SLC5A10: variants seen among roughly 807,000 people sequenced by gnomAD.
SLC5A10 encodes the protein sodium/mannose cotransporter SLC5A10.
SLC5A10 carries 55 observed loss-of-function variants against 68.9 expected under a neutral mutation model. The observed-to-expected ratio is 0.80, with a 90% CI of 0.64 to 1.00. SLC5A10 has a LOEUF of 1.00. Ranked by LOEUF, SLC5A10 falls within the 50% of genes least tolerant of loss-of-function variation. SLC5A10 has a pLI of 0.00. For synonymous variants in SLC5A10, 344 were observed against 344.8 expected, an observed-to-expected ratio of 1.00 and a Z score of 0.02; for missense variants, 732 against 819.3, an observed-to-expected ratio of 0.89 and a Z score of 1.30.
intron 9 of SLC5A10, among the ~76,000 whole-genome samples, chr17:19,008,484 A>G (rs2043944991): frequency 6.6e-6 from 1 of 150,914 alleles, no homozygotes. Flanking sequence ...TTTACAGAGG[A>G]GGAGACAGCC....
At chr17:19,016,598 G>T (rs985170890) in intron 11 of SLC5A10, among the ~76,000 whole-genome samples, 2 of 152,216 alleles carry the variant, frequency 1.3e-5, no homozygotes, top group African/African-American at 4.8e-5. Context: ...TCAGGCTTCT[G>T]TTGGAAGGGC....
chr17:18,952,165 A>C lies in SLC5A10; in HGVS notation c.-41A>C. ...CCCTTTCTGACCTGGTTTGCCCCTC[A>C]GTCCCTCGGGCTCATACCTAGTGCC... is the stretch of plus-strand genomic sequence containing the variant. On this transcript the variant is annotated 5_prime_UTR_variant, in exon 1 of 15. Coordinates refer to ENST00000395645, the MANE Select transcript of SLC5A10 (RefSeq NM_001042450.4). 1 of 1,592,926 alleles carries C rather than the reference A, an allele frequency of 6.3e-7. No homozygotes were observed. The highest frequency in any genetic ancestry group is 8.5e-7 in the Non-Finnish European group (1 of 1,170,408).
rs2042771158 is a variant in SLC5A10 at position 18,969,037 on chromosome 17, T to C, written c.454-15T>C. 1 of 1,608,102 alleles carries C rather than the reference T, an allele frequency of 6.2e-7. No homozygotes were observed. Among genetic ancestry groups the C allele is most frequent in the Admixed American group, 1.7e-5 (1 of 59,484 alleles). ...TGGGAATAACAGTCCCACACAAGGCTCTCTCCCTCCGCAGCTGGACCTGTA... is the reference window on the plus strand; with the variant it reads ...TGGGAATAACAGTCCCACACAAGGCCCTCTCCCTCCGCAGCTGGACCTGTA... On this transcript the variant is annotated splice_polypyrimidine_tract_variant and intron_variant, in intron 5 of 14. Coordinates refer to ENST00000395645, the MANE Select transcript of SLC5A10 (RefSeq NM_001042450.4).
chr17:18,953,697 AAATT>A (rs1332382037), intron 1 of SLC5A10: 1 of 152,644 alleles, frequency 6.6e-6, no homozygotes, highest in Non-Finnish European at 1.5e-5. Flanking sequence ...GCAGTCATTA[AAATT>A]AATTATCACA....
In SLC5A10 at chr17:19,013,441, C is replaced by T. The variant is rs773940183; in HGVS notation, c.1014C>T (p.Cys338=). 1.9e-6 allele frequency: 3 copies of T among 1,605,306 alleles called. No individual in the cohort carries two copies. In the East Asian group the frequency reaches 6.8e-5, roughly 36 times the overall value. ...DDVGCVVPSE[C]LRACGAEVGC... ...TGGGCTGCGTGGTGCCGTCCGAGTG[C>T]CTGCGGGCCTGCGGGGCCGAGGTCG... The change falls in exon 10 of 15, where the codon TGC becomes TGT. Residue 338 remains cysteine, a synonymous_variant. Coordinates refer to ENST00000395645, the MANE Select transcript of SLC5A10 (RefSeq NM_001042450.4).
At chr17:18,984,308 G>A (rs1233624875) in intron 9 of SLC5A10, among the ~76,000 whole-genome samples, 1 of 149,510 alleles carries the variant, frequency 6.7e-6, no homozygotes, top group Non-Finnish European at 1.5e-5. Context: ...AGTCCAGCCT[G>A]GGCGACAGAG....
intron 9 of SLC5A10, among the ~76,000 whole-genome samples, chr17:18,984,041 C>A (rs986149183): frequency 1.3e-5 from 2 of 152,178 alleles, no homozygotes; most frequent in Non-Finnish European, 2.9e-5. Context: ...GAATCCCCCC[C>A]GTTTGAGAAC....
intron 9 of SLC5A10, among the ~76,000 whole-genome samples, chr17:19,005,546 C>T (rs1324448206): frequency 6.6e-6 from 1 of 152,188 alleles, no homozygotes; most frequent in African/African-American, 2.4e-5. Context: ...GCCCTTCCTC[C>T]CATCCCCCAT....
chr17:18,954,382 T>C (rs918407313), intron 1 of SLC5A10, among the ~76,000 whole-genome samples: 1 of 152,244 alleles, frequency 6.6e-6, no homozygotes, highest in Non-Finnish European at 1.5e-5. Flanking sequence ...TTGTTGCCCA[T>C]GACCCACCTC....
chr17:18,968,254 T>A lies in SLC5A10; in HGVS notation c.454-798T>A, dbSNP rs888848620. 6.6e-6 allele frequency among the ~76,000 whole-genome samples: 1 copy of A among 152,160 alleles called. No homozygotes were observed. Among genetic ancestry groups the A allele is most frequent in the Non-Finnish European group, 1.5e-5 (1 of 68,018 alleles). ...AGGCTGTGTGTTGGGTCATCTCGCA[T>A]CTCCTGAGTCAAAGCAGAATGGTAG... is the stretch of plus-strand genomic sequence containing the variant. On this transcript the variant is annotated intron_variant, in intron 5 of 14. Coordinates refer to ENST00000395645, the MANE Select transcript of SLC5A10 (RefSeq NM_001042450.4). The surrounding 1 kb of genome is among the most constrained non-coding windows in gnomAD (Gnocchi z 4.1).
intron 9 of SLC5A10, among the ~76,000 whole-genome samples, chr17:18,981,416 C>T (rs2043129531): frequency 6.6e-6 from 1 of 152,126 alleles, no homozygotes; most frequent in Non-Finnish European, 1.5e-5. Context: ...GGCCCTGGGG[C>T]CAGTAGGGAG....
rs999781870 is a variant in SLC5A10 at position 19,022,367 on chromosome 17, G to C, written c.*1936G>C. The C allele has an allele frequency of 2.5e-6, 1 of 402,706 alleles. No individual in the cohort carries two copies. The highest frequency in any genetic ancestry group is 4.4e-6 in the Non-Finnish European group (1 of 226,522). The allele number at this position is 402,706 out of a possible 1,614,324, so 24.9% of individuals were successfully genotyped here. On this transcript the variant is annotated 3_prime_UTR_variant, in exon 15 of 15. Transcript: ENST00000395645. ...CAGATGCTGCATCTACATAGAACAC[G>C]GCTTTCCCAGCCGCCCAGCTGGGAC... is the stretch of plus-strand genomic sequence containing the variant.
At chr17:18,951,202 T>A (rs998763697), upstream of SLC5A10, among the ~76,000 whole-genome samples, 1 of 152,258 alleles carries the variant, frequency 6.6e-6, no homozygotes, top group Non-Finnish European at 1.5e-5. Flanking sequence ...GGCGTGAGAC[T>A]GCCGGCCAGC....
chr17:18,958,835 C>G (rs1215553076), intron 2 of SLC5A10, 82 bp downstream of exon 2: 1 of 1,511,208 alleles, frequency 6.6e-7, no homozygotes, highest in Non-Finnish European at 9.2e-7. Context: ...GCATCTGTAT[C>G]TTTGAGCCAG....
chr17:18,994,321 C>T (rs1387319697), intron 9 of SLC5A10, among the ~76,000 whole-genome samples: 1 of 152,208 alleles, frequency 6.6e-6, no homozygotes, highest in African/African-American at 2.4e-5. Flanking sequence ...TATTTCCAGG[C>T]TGCAGCACAG....
rs114358566 is a variant in SLC5A10 at position 18,966,252 on chromosome 17, T to C, written c.454-2800T>C. Among the ~76,000 whole-genome samples the C allele has an allele frequency of 3.2e-3, 483 of 152,250 alleles. 3 individuals carry two copies. Among genetic ancestry groups the C allele is most frequent in the African/African-American group, 0.011 (457 of 41,526 alleles). ...AGGCACCTCTGGACAGCAGCCTGGATCAGGCTGCTGAGCTGGGGGTGGACC... is the reference window on the plus strand; with the variant it reads ...AGGCACCTCTGGACAGCAGCCTGGACCAGGCTGCTGAGCTGGGGGTGGACC... On this transcript the variant is annotated intron_variant, in intron 5 of 14. Transcript: ENST00000395645.
rs1274691511 is a variant in SLC5A10 at position 18,968,152 on chromosome 17, TC to T, written c.454-898del. 6.6e-6 allele frequency among the ~76,000 whole-genome samples: 1 copy of T among 152,148 alleles called. No homozygotes were observed. The highest frequency in any genetic ancestry group is 1.5e-5 in the Non-Finnish European group (1 of 68,024). On this transcript the variant is annotated intron_variant, in intron 5 of 14. Coordinates refer to ENST00000395645, the MANE Select transcript of SLC5A10 (RefSeq NM_001042450.4). This position sits in a 1 kb window ranked among gnomAD's most constrained non-coding sequence, Gnocchi z 4.1. ...CTCAAAGGGGCCTGGGGCCTGCACT[TC>T]CTGGGCCTCGTGCAGATGTGTCCCC...
Position 19,004,190 on chromosome 17 carries a change from G to T in SLC5A10, c.983-9220G>T, listed in dbSNP as rs868297364. The T allele has an allele frequency of 1.1e-5, 5 of 459,230 alleles. No individual in the cohort carries two copies. Among genetic ancestry groups the T allele is most frequent in the Middle Eastern group, 7.4e-4 (1 of 1,356 alleles). 28.4% of individuals were successfully genotyped at this position (459,230 alleles called of 1,614,324 possible). A position where few individuals can be genotyped will look rare whatever the true frequency, so the allele number is the denominator to read the frequency against. On this transcript the variant is annotated intron_variant, in intron 9 of 14. Coordinates refer to ENST00000395645, the MANE Select transcript of SLC5A10 (RefSeq NM_001042450.4). The surrounding 1 kb of genome is among the most constrained non-coding windows in gnomAD (Gnocchi z 5.4). ...GCAATCTGCGGGAAAGACCTGATGA[G>T]CCCGGCTCGGCGGGGAGGGCGGGCC...
At chr17:19,009,653 G>A (rs905245582) in intron 9 of SLC5A10, among the ~76,000 whole-genome samples, 3 of 152,162 alleles carry the variant, frequency 2.0e-5, no homozygotes, top group African/African-American at 7.2e-5. Flanking sequence ...CTCCTCAAGG[G>A]ACTGTGTCCA....
Sources: allele counts gnomAD v4.1 joint callset (sites outside exome capture counted in the v4.1 genomes callset), GRCh38; gene constraint gnomAD v4.1.1; non-coding constraint Gnocchi (gnomAD v3.1); transcripts MANE v1.5; gene names NCBI Gene and HGNC (gene_info 2026-07-23, HGNC 2026-07-21).